The following ASAP1 variants were observed in gnomAD, a reference collection of about 807,000 sequenced individuals.
ASAP1 encodes ArfGAP with SH3 domain, ankyrin repeat and PH domain 1.
A neutral mutation model predicts 145.2 loss-of-function variants in ASAP1; 43 were observed. That is an observed-to-expected ratio of 0.30 (90% CI 0.23 to 0.38). The LOEUF is 0.38. Among genes scored for constraint, ASAP1 ranks in the 10% least tolerant of loss-of-function variants. The probability of loss-of-function intolerance (pLI) is 1.00; values close to 1 mark genes in which losing one functional copy is unlikely to be tolerated. For synonymous variants in ASAP1, 546 were observed against 515.5 expected, an observed-to-expected ratio of 1.06 and a Z score of -0.80; for missense variants, 1,018 against 1,355.3, an observed-to-expected ratio of 0.75 and a Z score of 3.91.
At chr8:130,311,916 T>C (rs1477503979) in intron 3 of ASAP1, among the ~76,000 whole-genome samples, 1 of 152,102 alleles carries the variant, frequency 6.6e-6, no homozygotes, top group Non-Finnish European at 1.5e-5. Context: ...GTAATTTGAA[T>C]ACGATCCATA....
At chr8:130,175,515 T>C (rs6988261) in intron 9 of ASAP1, among the ~76,000 whole-genome samples, 79,624 of 152,020 alleles carry the variant, frequency 0.52, 21,305 homozygotes, top group East Asian at 0.68. Context: ...TGTGAGCCAG[T>C]ACACCTGGAC....
chr8:130,349,647 T>G (rs1343887767), intron 3 of ASAP1, among the ~76,000 whole-genome samples: 1 of 152,184 alleles, frequency 6.6e-6, no homozygotes, highest in Non-Finnish European at 1.5e-5. Context: ...TGGTCCTCAG[T>G]AGAGAGCAGT....
intron 1 of ASAP1, among the ~76,000 whole-genome samples, chr8:130,414,984 C>A (rs1360604337): frequency 6.6e-6 from 1 of 152,220 alleles, no homozygotes. Flanking sequence ...TCACGAACTC[C>A]TGACCTCAGG....
At chr8:130,254,887 T>C (rs936446055) in intron 3 of ASAP1, among the ~76,000 whole-genome samples, 3 of 152,186 alleles carry the variant, frequency 2.0e-5, no homozygotes, top group Non-Finnish European at 2.9e-5. Context: ...TGGCATCAAA[T>C]GATATTACCA....
intron 3 of ASAP1, among the ~76,000 whole-genome samples, chr8:130,299,632 G>C (rs1822500918): frequency 6.6e-6 from 1 of 152,166 alleles, no homozygotes; most frequent in South Asian, 2.1e-4. Context: ...GAGAGACTAA[G>C]TGTTGCAATT....
intron 13 of ASAP1, among the ~76,000 whole-genome samples, chr8:130,143,242 C>G (rs2097616977): frequency 6.6e-6 from 1 of 152,140 alleles, no homozygotes; most frequent in African/African-American, 2.4e-5. Context: ...GAGGCTTGTC[C>G]TTTTATAGGT....
At chr8:130,062,254 G>A (rs966962955) in intron 27 of ASAP1, among the ~76,000 whole-genome samples, 4 of 152,142 alleles carry the variant, frequency 2.6e-5, no homozygotes, top group African/African-American at 9.7e-5. Context: ...ACTCACATTA[G>A]GAATTTGATC....
At chr8:130,151,521 C>T (rs1457606010) in intron 13 of ASAP1, among the ~76,000 whole-genome samples, 2 of 151,758 alleles carry the variant, frequency 1.3e-5, no homozygotes, top group Non-Finnish European at 2.9e-5. Flanking sequence ...ACACAACTGG[C>T]ATGACAGCTA....
intron 3 of ASAP1, 80 bp from the exon 4 acceptor site, chr8:130,237,074 G>C (rs1818259514): frequency 8.9e-7 from 1 of 1,129,534 alleles, no homozygotes; most frequent in Admixed American, 2.6e-5. Context: ...ATTTGTAATT[G>C]CATTTGTTTT....
intron 3 of ASAP1, among the ~76,000 whole-genome samples, chr8:130,292,824 C>A (rs1398121414): frequency 1.3e-5 from 2 of 152,214 alleles, no homozygotes; most frequent in African/African-American, 2.4e-5. Flanking sequence ...GTCACATAAC[C>A]TCTCTGTGCT....
At chr8:130,312,165 C>T (rs1185762014) in intron 3 of ASAP1, among the ~76,000 whole-genome samples, 3 of 151,684 alleles carry the variant, frequency 2.0e-5, no homozygotes, top group African/African-American at 4.8e-5. Flanking sequence ...GTAGTCTCAT[C>T]TATCAAGAAA....
intron 3 of ASAP1, among the ~76,000 whole-genome samples, chr8:130,320,168 T>C (rs1488737535): frequency 1.3e-5 from 2 of 152,220 alleles, no homozygotes; most frequent in Non-Finnish European, 2.9e-5. Flanking sequence ...TATATTTTAA[T>C]GCAAAACCAA....
chr8:130,239,877 G>A (rs1818424031), intron 3 of ASAP1, among the ~76,000 whole-genome samples: 1 of 152,136 alleles, frequency 6.6e-6, no homozygotes, highest in Non-Finnish European at 1.5e-5. Flanking sequence ...GCCAGCCTAT[G>A]CTTTTTCAAC....
intron 23 of ASAP1, among the ~76,000 whole-genome samples, chr8:130,113,243 G>A (rs1463941854): frequency 6.6e-6 from 1 of 152,138 alleles, no homozygotes; most frequent in Non-Finnish European, 1.5e-5. Context: ...TCCCCACCCA[G>A]CCAGGTGAAT....
intron 13 of ASAP1, among the ~76,000 whole-genome samples, chr8:130,146,499 A>C (rs1036129202): frequency 1.3e-5 from 2 of 152,282 alleles, no homozygotes; most frequent in South Asian, 2.1e-4. Context: ...TGGAGCGAAG[A>C]AAAATATTCT....
At chr8:130,168,956 G>T in intron 10 of ASAP1, 36 bp downstream of exon 10, 2 of 1,246,028 alleles carry the variant, frequency 1.6e-6, no homozygotes, top group Non-Finnish European at 1.1e-6. Context: ...ATCCATGAAA[G>T]CAAGTTAAAC....
At chr8:130,143,787 C>T (rs915651785) in intron 13 of ASAP1, among the ~76,000 whole-genome samples, 5 of 152,170 alleles carry the variant, frequency 3.3e-5, no homozygotes, top group African/African-American at 9.7e-5. Context: ...GCTTAGTGTG[C>T]ACCATGGTTC....
chr8:130,233,835 T>C (rs576583527), intron 4 of ASAP1, among the ~76,000 whole-genome samples: 1 of 152,304 alleles, frequency 6.6e-6, no homozygotes, highest in South Asian at 2.1e-4. Context: ...TCAATAAATA[T>C]CTTTTCAAAC....
At chr8:130,140,813 A>T (rs1266499620) in intron 13 of ASAP1, among the ~76,000 whole-genome samples, 2 of 152,186 alleles carry the variant, frequency 1.3e-5, no homozygotes, top group Admixed American at 6.5e-5. Flanking sequence ...TTGAGGAGCC[A>T]AGTACGCATA....
Sources: allele counts gnomAD v4.1 joint callset (sites outside exome capture counted in the v4.1 genomes callset), GRCh38; gene constraint gnomAD v4.1.1; transcripts MANE v1.5; gene names NCBI Gene and HGNC (gene_info 2026-07-23, HGNC 2026-07-21).